The following RPRD1A variants were observed in gnomAD, a reference collection of about 807,000 sequenced individuals.
RPRD1A encodes regulation of nuclear pre-mRNA domain-containing protein 1A.
RPRD1A carries 9 observed loss-of-function variants against 37.8 expected under a neutral mutation model. That is an observed-to-expected ratio of 0.24 (90% confidence interval 0.14 to 0.42). RPRD1A has a LOEUF of 0.42. Among genes scored for constraint, RPRD1A ranks in the 10% least tolerant of loss-of-function variants. RPRD1A has a pLI of 1.00. For synonymous variants in RPRD1A, 138 were observed against 139.7 expected (o/e 0.99, Z 0.08); for missense variants, 255 against 371.0 (o/e 0.69, Z 2.57).
intron 6 of RPRD1A, among the ~76,000 whole-genome samples, chr18:36,016,064 A>G (rs1043884037): frequency 2.6e-5 from 4 of 152,216 alleles, no homozygotes; most frequent in Non-Finnish European, 4.4e-5. Flanking sequence ...ACATTTAAGT[A>G]ATCTGATAAA....
Position 35,991,926 on chromosome 18 carries a change from G to A in RPRD1A, c.*1225C>T, listed in dbSNP as rs1444020462. ...CAAAGAGAAGAAAAATGTCTAGTAT[G>A]TAAAGCAATGAATGAAAATAAATGT... On this transcript the variant is annotated 3_prime_UTR_variant, in exon 7 of 7. Coordinates refer to ENST00000399022, the MANE Select transcript of RPRD1A (RefSeq NM_018170.5). 1 of 152,402 alleles carries A rather than the reference G, an allele frequency of 6.6e-6. No individual in the cohort carries two copies. Among genetic ancestry groups the A allele is most frequent in the Admixed American group, 6.5e-5 (1 of 15,280 alleles). The allele number at this position is 152,402 out of a possible 1,614,324, so 9.4% of individuals were successfully genotyped here. A position where few individuals can be genotyped will look rare whatever the true frequency, so the allele number is the denominator to read the frequency against.
intron 6 of RPRD1A, among the ~76,000 whole-genome samples, chr18:36,008,351 G>A (rs1909893519): frequency 6.6e-6 from 1 of 151,404 alleles, no homozygotes. Context: ...GCCAAGGTGA[G>A]AGGATCACTT....
At chr18:36,019,367 A>G (rs1043671272) in intron 6 of RPRD1A, among the ~76,000 whole-genome samples, 6 of 152,004 alleles carry the variant, frequency 3.9e-5, no homozygotes, top group African/African-American at 1.5e-4. Flanking sequence ...TCAGCCTCCC[A>G]AAGTGCTGGG....
rs779519891 is a variant in RPRD1A at position 35,992,202 on chromosome 18, A to C, written c.*949T>G. On this transcript the variant is annotated 3_prime_UTR_variant, in exon 7 of 7. Coordinates refer to ENST00000399022, the MANE Select transcript of RPRD1A (RefSeq NM_018170.5). ...AAAATGTCTCAGGCTACTTTACTGA[A>C]CATTAACGAATATTGTGTTCTTGAG... 1 of 152,660 alleles carries C rather than the reference A, an allele frequency of 6.6e-6. No homozygotes were observed. Among genetic ancestry groups the C allele is most frequent in the Non-Finnish European group, 1.5e-5 (1 of 68,038 alleles). The allele number at this position is 152,660 out of a possible 1,614,324, so 9.5% of individuals were successfully genotyped here. A position where few individuals can be genotyped will look rare whatever the true frequency, so the allele number is the denominator to read the frequency against.
intron 1 of RPRD1A, among the ~76,000 whole-genome samples, chr18:36,053,371 G>T (rs1206713518): frequency 1.3e-5 from 2 of 152,082 alleles, no homozygotes; most frequent in South Asian, 2.1e-4. Context: ...GAGTATTATG[G>T]ATTTACCTAT....
At chr18:36,032,695 C>A (rs568408398) in intron 2 of RPRD1A, among the ~76,000 whole-genome samples, 1 of 152,230 alleles carries the variant, frequency 6.6e-6, no homozygotes, top group African/African-American at 2.4e-5. Flanking sequence ...GATATGGGGA[C>A]TGAAGGAGAA....
chr18:36,018,269 T>C (rs867893292), intron 6 of RPRD1A, among the ~76,000 whole-genome samples: 1 of 149,576 alleles, frequency 6.7e-6, no homozygotes, highest in African/African-American at 2.5e-5. Flanking sequence ...TCTTCCAAGT[T>C]ACACTTTTTT....
intron 1 of RPRD1A, chr18:36,053,044 T>C (rs2144387362): frequency 6.6e-6 from 1 of 152,220 alleles, no homozygotes; most frequent in Admixed American, 6.5e-5. Context: ...GGAGAGACTA[T>C]AAAAACCTGC....
intron 1 of RPRD1A, among the ~76,000 whole-genome samples, chr18:36,049,342 G>C (rs1309966016): frequency 1.3e-5 from 2 of 152,100 alleles, no homozygotes; most frequent in East Asian, 3.8e-4. Flanking sequence ...ACTGTGTGTG[G>C]CATTAAAAAT....
chr18:36,066,302 T>G (rs955907085), intron 1 of RPRD1A, among the ~76,000 whole-genome samples: 4 of 152,236 alleles, frequency 2.6e-5, no homozygotes, highest in Non-Finnish European at 5.9e-5. Flanking sequence ...ATACATCATA[T>G]AGCTTTCACA....
At chr18:36,013,711 A>G (rs997761322) in intron 6 of RPRD1A, among the ~76,000 whole-genome samples, 18 of 152,194 alleles carry the variant, frequency 1.2e-4, no homozygotes, top group African/African-American at 3.6e-4. Flanking sequence ...TAAAATATTA[A>G]AATGTAATTT....
In RPRD1A at chr18:35,994,386, C is replaced by A. The variant is rs561931701; in HGVS notation, c.790-1086G>T. 6.6e-5 allele frequency among the ~76,000 whole-genome samples: 10 copies of A among 152,278 alleles called. No individual in the cohort carries two copies. In the South Asian group the frequency reaches 2.1e-3, roughly 32 times the overall value. Reference sequence around the variant, plus strand: ...GACTAGGGCCTGAACCGAACCAAACCAACAGTAGTAAGGATAGAGCAATGT... The same window carrying A: ...GACTAGGGCCTGAACCGAACCAAACAAACAGTAGTAAGGATAGAGCAATGT... On this transcript the variant is annotated intron_variant, in intron 6 of 6. Transcript: ENST00000399022.
At chr18:36,042,448 T>C (rs180791449) in intron 1 of RPRD1A, among the ~76,000 whole-genome samples, 1 of 152,332 alleles carries the variant, frequency 6.6e-6, no homozygotes, top group Admixed American at 6.5e-5. Flanking sequence ...CTTGTTCCAG[T>C]AACTTAGTTT....
chr18:36,003,949 C>T lies in RPRD1A; in HGVS notation c.790-10649G>A, dbSNP rs146696364. On this transcript the variant is annotated intron_variant, in intron 6 of 6. Transcript: ENST00000399022. ...AAGTAGCTGTGACTACAGATGCGCA[C>T]CACCACACCACACTTGGAGAGGGAG... Among the ~76,000 whole-genome samples, 74 of 151,686 alleles carry T rather than the reference C, an allele frequency of 4.9e-4. 1 individual carries two copies. The East Asian group carries it at 0.014, about 28-fold the overall frequency.
intron 6 of RPRD1A, among the ~76,000 whole-genome samples, chr18:35,999,093 A>G (rs995633919): frequency 4.0e-5 from 6 of 151,726 alleles, no homozygotes; most frequent in African/African-American, 1.2e-4. Context: ...CTACTATACA[A>G]GTTATTTCTG....
chr18:35,997,000 AAAAG>A lies in RPRD1A; in HGVS notation c.790-3704_790-3701del, dbSNP rs1458363984. Among the ~76,000 whole-genome samples, 915 of 145,982 alleles carry A rather than the reference AAAAG, an allele frequency of 6.3e-3. 21 individuals are homozygous for A. The highest frequency in any genetic ancestry group is 0.021 in the African/African-American group (829 of 38,824). ...CTCAAAAAAAAAAAAAAAAAAAAAA[AAAAG>A]AACTATCTGTAATTTAAGATTACAA... On this transcript the variant is annotated intron_variant, in intron 6 of 6. Coordinates refer to ENST00000399022, the MANE Select transcript of RPRD1A (RefSeq NM_018170.5).
intron 6 of RPRD1A, among the ~76,000 whole-genome samples, chr18:36,014,556 C>T (rs1055668945): frequency 1.3e-5 from 2 of 152,102 alleles, no homozygotes; most frequent in Admixed American, 1.3e-4. Context: ...GGCTAACACA[C>T]GGTGAAACCC....
chr18:36,014,275 A>G (rs1443622724), intron 6 of RPRD1A, among the ~76,000 whole-genome samples: 2 of 152,206 alleles, frequency 1.3e-5, no homozygotes, highest in Non-Finnish European at 2.9e-5. Flanking sequence ...TACACCAGAA[A>G]CTTCCAAGCG....
At chr18:36,038,444 A>G (rs1912353207) in intron 1 of RPRD1A, among the ~76,000 whole-genome samples, 2 of 152,244 alleles carry the variant, frequency 1.3e-5, no homozygotes, top group Admixed American at 6.5e-5. Context: ...AGAAGGCAAT[A>G]CTTAAGGTTT....
Sources: allele counts gnomAD v4.1 joint callset (sites outside exome capture counted in the v4.1 genomes callset), GRCh38; gene constraint gnomAD v4.1.1; transcripts MANE v1.5; gene names NCBI Gene and HGNC (gene_info 2026-07-23, HGNC 2026-07-21).